The following SLC7A11 variants were observed in gnomAD, a reference collection of about 807,000 sequenced individuals.
SLC7A11 encodes the protein cystine/glutamate transporter.
A neutral mutation model predicts 54.5 loss-of-function variants in SLC7A11; 35 were observed. That is an observed-to-expected ratio of 0.64 (90% confidence interval 0.49 to 0.85). The LOEUF (loss-of-function observed/expected upper bound fraction) is 0.85, where lower values mean the gene tolerates loss of function less well. Ranked by LOEUF, SLC7A11 falls within the 40% of genes least tolerant of loss-of-function variation. SLC7A11 has a pLI of 0.00. For synonymous variants in SLC7A11, 230 were observed against 225.2 expected, an observed-to-expected ratio of 1.02 and a Z score of -0.19; for missense variants, 583 against 618.1, an observed-to-expected ratio of 0.94 and a Z score of 0.60.
At chr4:138,224,774 A>AGAAG (rs141726377) in intron 3 of SLC7A11, among the ~76,000 whole-genome samples, 1 of 149,854 alleles carries the variant, frequency 6.7e-6, no homozygotes, top group Non-Finnish European at 1.5e-5. Context: ...ATGGATGGAA[A>AGAAG]GAAGGAAGGA....
chr4:138,236,529 G>T, intron 1 of SLC7A11, 78 bp from the exon 2 acceptor site: 1 of 1,351,158 alleles, frequency 7.4e-7, no homozygotes, highest in Non-Finnish European at 1.0e-6. Context: ...ATACAATAAT[G>T]TTTATATGTT....
At chr4:138,233,010 A>G (rs1195292700) in intron 2 of SLC7A11, among the ~76,000 whole-genome samples, 1 of 152,072 alleles carries the variant, frequency 6.6e-6, no homozygotes, top group East Asian at 1.9e-4. Context: ...GAAAATATAA[A>G]TGAGACAAGA....
At chr4:138,175,993 G>C (rs905733688) in intron 11 of SLC7A11, 11 of 152,110 alleles carry the variant, frequency 7.2e-5, no homozygotes, top group African/African-American at 2.7e-4. Flanking sequence ...CCAAGCAAAG[G>C]CTCTTGGTCT....
chr4:138,179,419 C>T, intron 10 of SLC7A11, 25 bp from the exon 11 acceptor site: 1 of 1,602,380 alleles, frequency 6.2e-7, no homozygotes, highest in East Asian at 2.2e-5. Flanking sequence ...ACAAAAAAGT[C>T]ACTTCAAACA....
Position 138,164,693 on chromosome 4 carries a change from T to G in SLC7A11, c.*7263A>C, listed in dbSNP as rs1045098208. On this transcript the variant is annotated 3_prime_UTR_variant, in exon 12 of 12. Coordinates refer to ENST00000280612, the MANE Select transcript of SLC7A11 (RefSeq NM_014331.4). ...ACACAATCCCCTCTACTAAGTTTCATGATCACAGTGCCAGAGTGAAGAAAC... is the reference window on the plus strand; with the variant it reads ...ACACAATCCCCTCTACTAAGTTTCAGGATCACAGTGCCAGAGTGAAGAAAC... The G allele has an allele frequency of 6.6e-6, 1 of 152,184 alleles. No individual in the cohort carries two copies. The highest frequency in any genetic ancestry group is 2.4e-5 in the African/African-American group (1 of 41,452). The allele number at this position is 152,184 out of a possible 1,614,324, so 9.4% of individuals were successfully genotyped here.
At position 138,182,339 on chromosome 4, in the gene SLC7A11, A is replaced by T. The variant is rs753374889; in HGVS notation, c.1074T>A (p.Ile358=). ...GTAGAGGAGTGTGCTTGCGGACATGAATCATGGAGAGGATTTCTGGAAGGT... is the reference window on the plus strand; with the variant it reads ...GTAGAGGAGTGTGCTTGCGGACATGTATCATGGAGAGGATTTCTGGAAGGT... The part of the protein sequence containing the change: ...EGHLPEILSM[I]HVRKHTPLPA... Residue 358 remains isoleucine (I), a synonymous_variant, in exon 9 of 12, where the codon ATT becomes ATA. Coordinates refer to ENST00000280612, the MANE Select transcript of SLC7A11 (RefSeq NM_014331.4). 7 of 1,612,204 alleles carry T rather than the reference A, an allele frequency of 4.3e-6. No homozygotes were observed. Among genetic ancestry groups the T allele is most frequent in the Non-Finnish European group, 5.9e-6 (7 of 1,178,660 alleles).
chr4:138,172,996 A>G (rs1235568351), intron 11 of SLC7A11, among the ~76,000 whole-genome samples: 1 of 151,792 alleles, frequency 6.6e-6, no homozygotes, highest in Non-Finnish European at 1.5e-5. Flanking sequence ...GGCATGTGCC[A>G]CCACATCCGG....
chr4:138,214,187 T>C (rs1156374876), intron 6 of SLC7A11, among the ~76,000 whole-genome samples: 1 of 152,050 alleles, frequency 6.6e-6, no homozygotes, highest in Non-Finnish European at 1.5e-5. Flanking sequence ...TCGATAGTTA[T>C]GAAAAAAGAT....
chr4:138,188,236 T>A (rs192519848), intron 6 of SLC7A11, among the ~76,000 whole-genome samples: 2 of 152,192 alleles, frequency 1.3e-5, no homozygotes, highest in African/African-American at 4.8e-5. Context: ...CTAATTTTTT[T>A]ATCTTTATTA....
At chr4:138,219,746 G>T (rs549569877) in intron 4 of SLC7A11, among the ~76,000 whole-genome samples, 2 of 152,194 alleles carry the variant, frequency 1.3e-5, no homozygotes, top group South Asian at 4.2e-4. Flanking sequence ...TGTTTTGCTT[G>T]GCAAGAAAAT....
At chr4:138,237,737 A>ATATATT (rs1560742768) in intron 1 of SLC7A11, among the ~76,000 whole-genome samples, 1 of 9,830 alleles carries the variant, frequency 1.0e-4, no homozygotes, top group Admixed American at 2.7e-3. Context: ...ATATATATAT[A>ATATATT]TTTTTTTTTT....
intron 1 of SLC7A11, among the ~76,000 whole-genome samples, chr4:138,239,270 G>A (rs566929570): frequency 5.9e-4 from 89 of 152,106 alleles, no homozygotes; most frequent in African/African-American, 2.0e-3. Flanking sequence ...GTTGCCCTAG[G>A]TTTAAACTGA....
intron 6 of SLC7A11, among the ~76,000 whole-genome samples, chr4:138,193,006 G>A (rs988677338): frequency 6.6e-6 from 1 of 152,092 alleles, no homozygotes; most frequent in African/African-American, 2.4e-5. Flanking sequence ...ATGGGAATGA[G>A]GTTCAAAATT....
At chr4:138,190,167 T>C (rs1038187161) in intron 6 of SLC7A11, among the ~76,000 whole-genome samples, 2 of 152,104 alleles carry the variant, frequency 1.3e-5, no homozygotes, top group Non-Finnish European at 2.9e-5. Context: ...TTGTGTGTTC[T>C]GGAGAGAAAT....
At chr4:138,195,997 A>C (rs1242750451) in intron 6 of SLC7A11, among the ~76,000 whole-genome samples, 2 of 152,124 alleles carry the variant, frequency 1.3e-5, no homozygotes, top group Non-Finnish European at 2.9e-5. Context: ...GACTTAAAGA[A>C]GGCTTAAAAA....
At position 138,169,876 on chromosome 4, in the gene SLC7A11, A is replaced by C. The variant is rs899730226; in HGVS notation, c.*2080T>G. On this transcript the variant is annotated 3_prime_UTR_variant, in exon 12 of 12. Transcript: ENST00000280612. ...CTAAGGAAGGAAGGAGTTATTATAA[A>C]TTCACTCAGAGACCCAAACGTTAGG... The C allele has an allele frequency of 6.6e-5, 10 of 152,052 alleles. No individual in the cohort carries two copies. Among genetic ancestry groups the C allele is most frequent in the African/African-American group, 2.4e-4 (10 of 41,428 alleles). The allele number at this position is 152,052 out of a possible 1,614,324, so 9.4% of individuals were successfully genotyped here. A position where few individuals can be genotyped will look rare whatever the true frequency, so the allele number is the denominator to read the frequency against.
At chr4:138,231,385 T>C (rs533773335) in intron 3 of SLC7A11, among the ~76,000 whole-genome samples, 1 of 152,218 alleles carries the variant, frequency 6.6e-6, no homozygotes, top group East Asian at 1.9e-4. Context: ...ATAAGTAAAT[T>C]ACAGGCAATA....
chr4:138,196,519 C>G (rs1190353645), intron 6 of SLC7A11, among the ~76,000 whole-genome samples: 2 of 152,024 alleles, frequency 1.3e-5, no homozygotes, highest in African/African-American at 4.8e-5. Flanking sequence ...GAAAGAGCAA[C>G]ACAATTGTGT....
chr4:138,188,865 T>G (rs765819051), intron 6 of SLC7A11, among the ~76,000 whole-genome samples: 3 of 152,190 alleles, frequency 2.0e-5, no homozygotes, highest in Non-Finnish European at 4.4e-5. Context: ...TTCTATTCTT[T>G]CTCAAATGTT....
Sources: gnomAD v4.1 joint callset for allele counts (sites outside exome capture counted in the v4.1 genomes callset) on GRCh38, gnomAD v4.1.1 for gene constraint, MANE v1.5 for transcripts, NCBI Gene and HGNC (gene_info 2026-07-23, HGNC 2026-07-21) for gene names.